Variants in FGF12 observed in about 807,000 individuals in gnomAD.
FGF12 encodes the protein fibroblast growth factor 12, also known as fibroblast growth factor 12B.
FGF12 carries 14 observed loss-of-function variants against 23.6 expected under a neutral mutation model. That is an observed-to-expected ratio of 0.59 (90% confidence interval 0.39 to 0.93). The LOEUF (loss-of-function observed/expected upper bound fraction) is 0.93, where lower values mean the gene tolerates loss of function less well. Ranked by LOEUF, FGF12 falls within the 40% of genes least tolerant of loss-of-function variation. FGF12 has a pLI of 0.00. For missense variants in FGF12, 175 were observed against 217.8 expected (o/e 0.80, Z 1.24); for synonymous variants, 62 against 77.3 (o/e 0.80, Z 1.04).
At chr3:192,654,523 C>A (rs536221517) in intron 2 of FGF12, among the ~76,000 whole-genome samples, 1 of 152,316 alleles carries the variant, frequency 6.6e-6, no homozygotes, top group African/African-American at 2.4e-5. Flanking sequence ...CTCTGTCCTA[C>A]TCTGGTATCT....
chr3:192,567,801 C>CTCTT (rs1201468224), intron 2 of FGF12, among the ~76,000 whole-genome samples: 1 of 103,988 alleles, frequency 9.6e-6, no homozygotes, highest in South Asian at 3.1e-4. Context: ...TTCTTTCTTT[C>CTCTT]TCTTTCTTTC....
chr3:192,270,812 G>A (rs1357392842), intron 4 of FGF12, among the ~76,000 whole-genome samples: 2 of 149,612 alleles, frequency 1.3e-5, no homozygotes, highest in Non-Finnish European at 3.0e-5. Flanking sequence ...AGGAAGGAAG[G>A]AAGGAAAGAA....
chr3:192,351,922 C>T (rs1718236490), intron 3 of FGF12, among the ~76,000 whole-genome samples: 1 of 152,036 alleles, frequency 6.6e-6, no homozygotes, highest in Non-Finnish European at 1.5e-5. Flanking sequence ...AGTGGCTTGC[C>T]TCCTGGATAA....
At chr3:192,194,800 G>T (rs1303353308) in intron 4 of FGF12, among the ~76,000 whole-genome samples, 1 of 152,102 alleles carries the variant, frequency 6.6e-6, no homozygotes, top group Non-Finnish European at 1.5e-5. Context: ...TAAGGAATTT[G>T]ATCATTTTTA....
intron 4 of FGF12, among the ~76,000 whole-genome samples, chr3:192,330,279 GA>G (rs1446539600): frequency 6.6e-6 from 1 of 151,908 alleles, no homozygotes; most frequent in African/African-American, 2.4e-5. Flanking sequence ...ACCATCTTAA[GA>G]AAAAATAAAT....
chr3:192,244,841 T>C (rs1029425923), intron 4 of FGF12: 2 of 152,184 alleles, frequency 1.3e-5, no homozygotes, highest in Non-Finnish European at 2.9e-5. Flanking sequence ...AAGCTATTAA[T>C]GCAGCTTTAC....
At chr3:192,444,422 T>C (rs2108798324) in intron 2 of FGF12, among the ~76,000 whole-genome samples, 1 of 152,278 alleles carries the variant, frequency 6.6e-6, no homozygotes, top group East Asian at 1.9e-4. Flanking sequence ...GTCTTTTTTT[T>C]TATCTTGCCT....
At chr3:192,601,790 C>T (rs1714125557) in intron 2 of FGF12, among the ~76,000 whole-genome samples, 1 of 152,146 alleles carries the variant, frequency 6.6e-6, no homozygotes. Flanking sequence ...TACTTTAGAT[C>T]ATCTCTAGAT....
intron 2 of FGF12, among the ~76,000 whole-genome samples, chr3:192,473,225 A>G (rs1723222383): frequency 6.6e-6 from 1 of 152,186 alleles, no homozygotes; most frequent in South Asian, 2.1e-4. Context: ...AAAATTATCA[A>G]CCACACCTCA....
At chr3:192,264,448 A>G (rs1369861318) in intron 4 of FGF12, among the ~76,000 whole-genome samples, 1 of 152,170 alleles carries the variant, frequency 6.6e-6, no homozygotes, top group Non-Finnish European at 1.5e-5. Context: ...TGCATTCATA[A>G]CAGATAAATC....
intron 2 of FGF12, among the ~76,000 whole-genome samples, chr3:192,482,876 G>A (rs1300999758): frequency 6.6e-6 from 1 of 152,098 alleles, no homozygotes; most frequent in African/African-American, 2.4e-5. Context: ...AAAATGAATA[G>A]TATTTAACCT....
intron 2 of FGF12, among the ~76,000 whole-genome samples, chr3:192,661,738 C>T (rs1212508615): frequency 6.6e-6 from 1 of 152,052 alleles, no homozygotes; most frequent in African/African-American, 2.4e-5. Flanking sequence ...CTGAGATTAC[C>T]ATGTTCCAGA....
chr3:192,141,128 C>CAAAA lies in FGF12; in HGVS notation c.*2877_*2880dup, dbSNP rs56933017. The CAAAA allele has an allele frequency of 1.2e-3, 51 of 41,238 alleles. 5 individuals carry two copies. The highest frequency in any genetic ancestry group is 4.9e-3 in the African/African-American group (48 of 9,848). The allele number at this position is 41,238 out of a possible 1,614,324, so 2.6% of individuals were successfully genotyped here. ...CCTGGGAAAAATCCCAATGCAACTC[C>CAAAA]AAAAAAAAAAAAAAAAAAAAAAAAA... is the stretch of plus-strand genomic sequence containing the variant. On this transcript the variant is annotated 3_prime_UTR_variant, in exon 6 of 6. Coordinates refer to ENST00000445105, the MANE Select transcript of FGF12 (RefSeq NM_004113.6).
intron 2 of FGF12, among the ~76,000 whole-genome samples, chr3:192,662,396 C>T (rs2108685372): frequency 6.6e-6 from 1 of 152,224 alleles, no homozygotes; most frequent in African/African-American, 2.4e-5. Flanking sequence ...AATAAATAGC[C>T]TCCAATAACT....
Position 192,144,080 on chromosome 3 carries a change from C to T in FGF12, c.475G>A (p.Gly159Arg), listed in dbSNP as rs1281566261. 1 of 1,613,712 alleles carries T rather than the reference C, an allele frequency of 6.2e-7. No homozygotes were observed. ...PSLHEIGEKQ[G>R]RSRKSSGTPT... ...GTTCCAGAACTTTTCCTTGAACGCC[C>T]TTGTTTTTCTCCAATTTCATGTAGC... The change falls in exon 6 of 6, where the codon GGG (glycine) becomes AGG (arginine). Residue 159 changes from glycine to arginine, a missense_variant. Coordinates refer to ENST00000445105, the MANE Select transcript of FGF12 (RefSeq NM_004113.6).
chr3:192,709,156 G>A (rs941224615), intron 2 of FGF12, among the ~76,000 whole-genome samples: 4 of 152,104 alleles, frequency 2.6e-5, no homozygotes, highest in South Asian at 2.1e-4. Flanking sequence ...ATGACACACC[G>A]AAGCTTCATC....
At chr3:192,279,864 A>C (rs1439864426) in intron 4 of FGF12, among the ~76,000 whole-genome samples, 2 of 152,310 alleles carry the variant, frequency 1.3e-5, no homozygotes, top group African/African-American at 4.8e-5. Context: ...TCCAGATTTG[A>C]ATTTGATTTC....
chr3:192,677,223 C>G (rs576447079), intron 2 of FGF12, among the ~76,000 whole-genome samples: 11 of 152,180 alleles, frequency 7.2e-5, no homozygotes, highest in Non-Finnish European at 1.2e-4. Flanking sequence ...TTACCTCCCC[C>G]AACTCCCACA....
chr3:192,320,773 G>A (rs1228936710), intron 4 of FGF12, among the ~76,000 whole-genome samples: 2 of 151,920 alleles, frequency 1.3e-5, no homozygotes, highest in African/African-American at 2.4e-5. Context: ...AAAAGAAAAT[G>A]AAAGCACAAT....
Sources: gnomAD v4.1 joint callset for allele counts (sites outside exome capture counted in the v4.1 genomes callset) on GRCh38, gnomAD v4.1.1 for gene constraint, MANE v1.5 for transcripts, NCBI Gene and HGNC (gene_info 2026-07-23, HGNC 2026-07-21) for gene names.